MBTPS2: variants seen among roughly 807,000 people sequenced by gnomAD.
MBTPS2 encodes membrane-bound transcription factor site-2 protease.
Under a neutral mutation model 35.4 loss-of-function variants are expected in MBTPS2, and 2 were observed. That is an observed-to-expected ratio of 0.06 (90% CI 0.02 to 0.18). The LOEUF (loss-of-function observed/expected upper bound fraction) is 0.18. MBTPS2 is among the 10% of genes least tolerant of loss of function. The pLI is 1.00. For missense variants in MBTPS2, 244 were observed against 386.5 expected (o/e 0.63, Z 3.09); for synonymous variants, 125 against 140.4 (o/e 0.89, Z 0.77).
rs1463789608 is a variant in MBTPS2 at position 21,839,705 on chromosome X, C to T, written c.-30C>T. 1.7e-6 allele frequency: 2 copies of T among 1,164,419 alleles called. No homozygotes were observed. Among genetic ancestry groups the T allele is most frequent in the African/African-American group, 1.8e-5 (1 of 55,860 alleles). The stretch of plus-strand genomic sequence containing the variant: ...GTGCAGGGAGGAGGACGCCGGGGCT[C>T]GCCTTCCCTCCTCTGCCGCCGCTGC... On this transcript the variant is annotated 5_prime_UTR_variant, in exon 1 of 11. Transcript: ENST00000379484.
chrX:21,839,631 T>A lies in MBTPS2; in HGVS notation c.-104T>A. Reference sequence around the variant, plus strand: ...AGGAAGGAGCCGGCGGTAGCTTGGTTCCTGAGCGGATGCTGGGGCTGTAAG... The same window carrying A: ...AGGAAGGAGCCGGCGGTAGCTTGGTACCTGAGCGGATGCTGGGGCTGTAAG... On this transcript the variant is annotated 5_prime_UTR_variant, in exon 1 of 11. Transcript: ENST00000379484. The A allele has an allele frequency of 1.2e-6, 1 of 862,504 alleles. No homozygotes were observed. Among genetic ancestry groups the A allele is most frequent in the Non-Finnish European group, 1.7e-6 (1 of 596,329 alleles). The allele number at this position is 862,504 out of a possible 1,213,427, so 71.1% of individuals were successfully genotyped here. A position where few individuals can be genotyped will look rare whatever the true frequency, so the allele number is the denominator to read the frequency against.
Position 21,884,901 on chromosome X carries a change from C to T in MBTPS2, c.*2246C>T. On this transcript the variant is annotated 3_prime_UTR_variant, in exon 11 of 11. Coordinates refer to ENST00000379484, the MANE Select transcript of MBTPS2 (RefSeq NM_015884.4). Reference sequence around the variant, plus strand: ...AAATAACTTGGAGGGTCTTTGTGTCCCTGGCATATTATCATCTTCATGGAA... The same window carrying T: ...AAATAACTTGGAGGGTCTTTGTGTCTCTGGCATATTATCATCTTCATGGAA... The T allele has an allele frequency of 2.7e-6, 2 of 750,812 alleles. No homozygotes were observed. The highest frequency in any genetic ancestry group is 3.1e-6 in the Non-Finnish European group (2 of 636,507). 61.9% of individuals were successfully genotyped at this position (750,812 alleles called of 1,213,427 possible). A position where few individuals can be genotyped will look rare whatever the true frequency, so the allele number is the denominator to read the frequency against.
intron 3 of MBTPS2, among the ~76,000 whole-genome samples, chrX:21,845,731 C>T (rs2092908027): frequency 8.9e-6 from 1 of 112,243 alleles, no homozygotes; most frequent in African/African-American, 3.2e-5. Flanking sequence ...AAGTAAATTG[C>T]ATTCTAATTA....
intron 8 of MBTPS2, 29 bp from the exon 9 acceptor site, chrX:21,878,468 A>G: frequency 9.3e-7 from 1 of 1,073,875 alleles, no homozygotes; most frequent in Non-Finnish European, 1.3e-6. Context: ...ATCATTTTTA[A>G]TATTGACTGA....
intron 3 of MBTPS2, 147 bp downstream of exon 3, chrX:21,845,531 AT>A: frequency 2.0e-6 from 1 of 512,245 alleles, no homozygotes; most frequent in Non-Finnish European, 3.1e-6. Context: ...ACACAAAAAA[AT>A]TAATAAGAAT....
intron 3 of MBTPS2, among the ~76,000 whole-genome samples, chrX:21,848,586 A>T (rs1453418816): frequency 1.8e-5 from 2 of 111,298 alleles, no homozygotes; most frequent in African/African-American, 6.5e-5. Flanking sequence ...AGGCTGAAGC[A>T]GGAGAATGAG....
chrX:21,845,101 C>A, intron 2 of MBTPS2, 70 bp from the exon 3 acceptor site: 1 of 1,208,543 alleles, frequency 8.3e-7, no homozygotes, highest in Non-Finnish European at 1.1e-6. Flanking sequence ...AATGTGGCTG[C>A]TTAGTGAATT....
Position 21,883,328 on chromosome X carries a change from G to A in MBTPS2, c.*673G>A, listed in dbSNP as rs1485577655. 1 of 753,773 alleles carries A rather than the reference G, an allele frequency of 1.3e-6. No individual in the cohort carries two copies. The highest frequency in any genetic ancestry group is 2.3e-5 in the African/African-American group (1 of 43,094). 62.1% of individuals were successfully genotyped at this position (753,773 alleles called of 1,213,427 possible). ...CCCACAAGAGTTGCATCTTTTATAA[G>A]GTGTCTCTGCCCCCTCATAAAGCAG... On this transcript the variant is annotated 3_prime_UTR_variant, in exon 11 of 11. Transcript: ENST00000379484.
At chrX:21,851,317 G>A (rs766222171) in intron 3 of MBTPS2, among the ~76,000 whole-genome samples, 192 bp from the exon 4 acceptor site, 4 of 111,990 alleles carry the variant, frequency 3.6e-5, no homozygotes, top group African/African-American at 6.5e-5. Context: ...TGGCTAGTTC[G>A]AAAAATGAAA....
At chrX:21,863,114 A>T (rs2092935083) in intron 5 of MBTPS2, among the ~76,000 whole-genome samples, 1 of 97,249 alleles carries the variant, frequency 1.0e-5, no homozygotes, top group South Asian at 5.1e-4. Context: ...ACACACACTA[A>T]AAAACTAGCC....
At chrX:21,881,489 A>T (rs1309293447) in intron 10 of MBTPS2, among the ~76,000 whole-genome samples, 2 of 112,281 alleles carry the variant, frequency 1.8e-5, no homozygotes, top group South Asian at 3.7e-4. Flanking sequence ...GAATTTTTTC[A>T]TATTAATTAT....
intron 1 of MBTPS2, among the ~76,000 whole-genome samples, chrX:21,842,620 T>C (rs2092903959): frequency 9.0e-6 from 1 of 111,440 alleles, no homozygotes; most frequent in Non-Finnish European, 1.9e-5. Flanking sequence ...ATCTCACCAA[T>C]AGTGTATGTT....
chrX:21,857,036 C>T (rs1417758716), intron 5 of MBTPS2: 2 of 1,211,771 alleles, frequency 1.7e-6, no homozygotes, highest in East Asian at 3.0e-5. Context: ...GTGAGTTTTC[C>T]GTGACTATGT....
intron 3 of MBTPS2, among the ~76,000 whole-genome samples, chrX:21,847,546 G>C (rs780592339): frequency 8.9e-6 from 1 of 111,956 alleles, no homozygotes. Flanking sequence ...GGGCAATCGT[G>C]TACTGTTGCC....
Position 21,868,448 on chromosome X carries a change from T to G in MBTPS2, c.671-19T>G, listed in dbSNP as rs778733403. On this transcript the variant is annotated intron_variant, in intron 5 of 10. Coordinates refer to ENST00000379484, the MANE Select transcript of MBTPS2 (RefSeq NM_015884.4). ...CCTGCCCCCGGTTGAGCTTATTGCT[T>G]TTTTTCCTCTCTTTCCAGGTATCTG... The G allele has an allele frequency of 9.2e-7, 1 of 1,083,616 alleles. No individual in the cohort carries two copies. Among genetic ancestry groups the G allele is most frequent in the Non-Finnish European group, 1.3e-6 (1 of 779,914 alleles). The allele number at this position is 1,083,616 out of a possible 1,213,427, so 89.3% of individuals were successfully genotyped here.
chrX:21,877,240 G>A (rs1569328668), intron 7 of MBTPS2, among the ~76,000 whole-genome samples: 2 of 111,412 alleles, frequency 1.8e-5, no homozygotes, highest in Non-Finnish European at 1.9e-5. Flanking sequence ...TCAGGAGTTC[G>A]AGACCAGCCT....
chrX:21,867,930 T>C (rs73195147), intron 5 of MBTPS2, among the ~76,000 whole-genome samples: 37,470 of 110,716 alleles, frequency 0.34, 4,752 homozygotes, highest in East Asian at 0.5. Context: ...TGAGCCACCG[T>C]GCCTGGCCGA....
At chrX:21,858,259 T>C (rs2092926410) in intron 5 of MBTPS2, 1 of 123,828 alleles carries the variant, frequency 8.1e-6, no homozygotes, top group South Asian at 3.6e-4. Context: ...AGTTTAAACC[T>C]ATTTTAGTCA....
At chrX:21,856,924 G>T (rs777538519) in intron 5 of MBTPS2, 1 of 1,212,012 alleles carries the variant, frequency 8.3e-7, no homozygotes, top group South Asian at 1.8e-5. Context: ...AAGCCCAGCG[G>T]CAAGAGTGCC....
Sources: allele counts gnomAD v4.1 joint callset (sites outside exome capture counted in the v4.1 genomes callset), GRCh38; gene constraint gnomAD v4.1.1; transcripts MANE v1.5; gene names NCBI Gene and HGNC (gene_info 2026-07-23, HGNC 2026-07-21).